Variants in PCDHGB3 observed in about 807,000 individuals in gnomAD.
PCDHGB3 encodes protocadherin gamma subfamily B, 3, also known as protocadherin gamma-B3.
A neutral mutation model predicts 59.2 loss-of-function variants in PCDHGB3; 40 were observed. That is an observed-to-expected ratio of 0.68 (90% confidence interval 0.52 to 0.88). The LOEUF is 0.88. Ranked by LOEUF, PCDHGB3 falls within the 40% of genes least tolerant of loss-of-function variation. The pLI, the probability that PCDHGB3 is intolerant of heterozygous loss-of-function variation, is 0.00. For missense variants in PCDHGB3, 1,309 were observed against 1,187.9 expected (o/e 1.10, Z -1.50); for synonymous variants, 581 against 503.6 (o/e 1.15, Z -2.06).
chr5:141,419,196 A>G (rs2096342064), intron 1 of PCDHGB3: 1 of 1,613,994 alleles, frequency 6.2e-7, no homozygotes, highest in Middle Eastern at 1.6e-4. Context: ...ACTGACGTCA[A>G]TGACAACGCG....
chr5:141,431,498 T>C lies in PCDHGB3; in HGVS notation c.2415+58689T>C, dbSNP rs1274311782. On this transcript the variant is annotated intron_variant, in intron 1 of 3. Coordinates refer to ENST00000576222, the MANE Select transcript of PCDHGB3 (RefSeq NM_018924.5). The surrounding 1 kb of genome is among the most constrained non-coding windows in gnomAD (Gnocchi z 4.8). ...CGCACCAGCGTTTGCTCAGCCCGAG[T>C]ACCGCGCGAGCGTTCCGGAGAATCT... The C allele has an allele frequency of 6.2e-7, 1 of 1,613,992 alleles. No homozygotes were observed. Among genetic ancestry groups the C allele is most frequent in the Non-Finnish European group, 8.5e-7 (1 of 1,180,034 alleles).
Position 141,476,540 on chromosome 5 carries a change from T to C in PCDHGB3, c.2416-18267T>C, listed in dbSNP as rs148362631. On this transcript the variant is annotated intron_variant, in intron 1 of 3. Coordinates refer to ENST00000576222, the MANE Select transcript of PCDHGB3 (RefSeq NM_018924.5). The surrounding 1 kb of genome is among the most constrained non-coding windows in gnomAD (Gnocchi z 7.6). Reference sequence around the variant, plus strand: ...TGCTTTCCCTACCCAGGAAATGAAATTGGAGATTAGCGAGGCCGTGGCTCC... The same window carrying C: ...TGCTTTCCCTACCCAGGAAATGAAACTGGAGATTAGCGAGGCCGTGGCTCC... 9.4e-5 allele frequency: 151 copies of C among 1,614,122 alleles called. 1 individual carries two copies. In the African/African-American group the frequency reaches 1.3e-3, roughly 14 times the overall value.
At position 141,376,680 on chromosome 5, in the gene PCDHGB3, T is replaced by G. The variant is rs554753091; in HGVS notation, c.2415+3871T>G. 2,414 of 666,784 alleles carry G rather than the reference T, an allele frequency of 3.6e-3. 9 individuals carry two copies. The highest frequency in any genetic ancestry group is 3.7e-3 in the Non-Finnish European group (1,658 of 442,514). 41.3% of individuals were successfully genotyped at this position (666,784 alleles called of 1,614,324 possible). A position where few individuals can be genotyped will look rare whatever the true frequency, so the allele number is the denominator to read the frequency against. ...CCTTGTTCAGGTGAGGGTATCGTTT[T>G]TTTTTTTTTTTTTTTTTGAGACGGA... On this transcript the variant is annotated intron_variant, in intron 1 of 3. Coordinates refer to ENST00000576222, the MANE Select transcript of PCDHGB3 (RefSeq NM_018924.5).
chr5:141,452,951 G>T (rs1397204185), intron 1 of PCDHGB3, among the ~76,000 whole-genome samples: 13 of 152,154 alleles, frequency 8.5e-5, no homozygotes, highest in Admixed American at 8.5e-4. Context: ...GCAATTGGTT[G>T]TCTTTAAACT....
intron 1 of PCDHGB3, chr5:141,418,650 T>A (rs764145825): frequency 5.0e-6 from 8 of 1,613,898 alleles, no homozygotes; most frequent in South Asian, 2.2e-5. Flanking sequence ...ATCCTGAGAG[T>A]GAAGGCCACT....
chr5:141,501,323 A>G (rs2099807887), intron 2 of PCDHGB3, among the ~76,000 whole-genome samples: 1 of 151,850 alleles, frequency 6.6e-6, no homozygotes, highest in East Asian at 1.9e-4. Flanking sequence ...ACACACACAC[A>G]CACACACACA....
intron 1 of PCDHGB3, chr5:141,413,532 A>C (rs1269070438): frequency 9.9e-6 from 16 of 1,613,788 alleles, no homozygotes; most frequent in Non-Finnish European, 1.2e-5. Context: ...ACAGGGTGAA[A>C]CTTTTTGGGA....
intron 2 of PCDHGB3, among the ~76,000 whole-genome samples, chr5:141,503,940 C>G (rs890249753): frequency 6.6e-6 from 1 of 152,218 alleles, no homozygotes; most frequent in Non-Finnish European, 1.5e-5. Flanking sequence ...TTCATGCCTT[C>G]AAGGCCTACC....
At position 141,371,193 on chromosome 5, in the gene PCDHGB3, A is replaced by T; in HGVS notation, c.799A>T (p.Ile267Phe). 1 of 1,614,034 alleles carries T rather than the reference A, an allele frequency of 6.2e-7. No individual in the cohort carries two copies. ...CTCCTCCGTATTAAAAGTGATGGCC[A>T]TTGACATGGATGAGGGCATCAATGC... ...AGSSVLKVMA[I>F]DMDEGINAEI... The change falls in exon 1 of 4, where the codon ATT (isoleucine) becomes TTT (phenylalanine). Residue 267 changes from isoleucine (I) to phenylalanine (F), a missense_variant. By Grantham distance (21) the Ile-to-Phe change is conservative. Transcript: ENST00000576222.
intron 1 of PCDHGB3, chr5:141,374,744 G>A: frequency 1.2e-6 from 2 of 1,611,982 alleles, no homozygotes; most frequent in East Asian, 2.2e-5. Context: ...CGGCGACCCT[G>A]TCCGCTCAAG....
rs750129951 is a variant in PCDHGB3 at position 141,375,757 on chromosome 5, T to C, written c.2415+2948T>C. The C allele has an allele frequency of 6.1e-5, 99 of 1,614,196 alleles. 1 individual carries two copies. The South Asian group carries it at 8.5e-4, about 14-fold the overall frequency. On this transcript the variant is annotated intron_variant, in intron 1 of 3. Coordinates refer to ENST00000576222, the MANE Select transcript of PCDHGB3 (RefSeq NM_018924.5). Reference sequence around the variant, plus strand: ...TGTTTGTGCTGGACCAGAATGACAATGCGCCCGAGATCCTGTACCCCGCCC... The same window carrying C: ...TGTTTGTGCTGGACCAGAATGACAACGCGCCCGAGATCCTGTACCCCGCCC...
chr5:141,410,785 G>T, intron 1 of PCDHGB3: 1 of 804,598 alleles, frequency 1.2e-6, no homozygotes, highest in Non-Finnish European at 1.8e-6. Context: ...TATGTATTTG[G>T]TTCATAAGTT....
At chr5:141,384,215 T>C in intron 1 of PCDHGB3, 1 of 1,613,862 alleles carries the variant, frequency 6.2e-7, no homozygotes, top group Non-Finnish European at 8.5e-7. Flanking sequence ...ACTCACATAT[T>C]CATGCAGGTG....
chr5:141,433,042 G>T (rs752612411), intron 1 of PCDHGB3: 10 of 1,614,024 alleles, frequency 6.2e-6, no homozygotes, highest in East Asian at 4.5e-5. Flanking sequence ...CCCTCACCAC[G>T]GACTCGCGGA....
At chr5:141,507,809 C>G (rs866898784) in intron 3 of PCDHGB3, among the ~76,000 whole-genome samples, 1 of 152,206 alleles carries the variant, frequency 6.6e-6, no homozygotes, top group Non-Finnish European at 1.5e-5. Context: ...CCCTGGGGAA[C>G]GGACCCTGGG....
intron 1 of PCDHGB3, chr5:141,403,277 C>G (rs2094385466): frequency 6.2e-7 from 1 of 1,613,750 alleles, no homozygotes; most frequent in Admixed American, 1.7e-5. Context: ...CTTTAAAGTC[C>G]TGGTTGAAGA....
intron 1 of PCDHGB3, chr5:141,410,177 A>C (rs2095365763): frequency 1.2e-6 from 2 of 1,613,626 alleles, no homozygotes; most frequent in Non-Finnish European, 1.7e-6. Flanking sequence ...TGCCACCGCC[A>C]CGCTTCATCT....
chr5:141,384,248 C>T (rs1443335110), intron 1 of PCDHGB3: 2 of 1,613,866 alleles, frequency 1.2e-6, no homozygotes, highest in South Asian at 2.2e-5. Flanking sequence ...GATAACCCAC[C>T]CACCTTCCCC....
At chr5:141,466,034 A>T (rs189202430) in intron 1 of PCDHGB3, among the ~76,000 whole-genome samples, 1,557 of 152,178 alleles carry the variant, frequency 0.01, 35 homozygotes, top group African/African-American at 0.035. Flanking sequence ...AGGCAGGAGA[A>T]CGGCATGAAC....
Sources: allele counts gnomAD v4.1 joint callset (sites outside exome capture counted in the v4.1 genomes callset), GRCh38; gene constraint gnomAD v4.1.1; non-coding constraint Gnocchi (gnomAD v3.1); transcripts MANE v1.5; gene names NCBI Gene and HGNC (gene_info 2026-07-23, HGNC 2026-07-21).